Variants in TMEM106B observed in about 807,000 individuals in gnomAD.
TMEM106B encodes the protein transmembrane protein 106B.
In TMEM106B, 15 loss-of-function variants were observed where a neutral mutation model predicts 31.1. That is an observed-to-expected ratio of 0.48 (90% confidence interval 0.32 to 0.74). The LOEUF (loss-of-function observed/expected upper bound fraction) is 0.74. Ranked by LOEUF, TMEM106B falls within the 30% of genes least tolerant of loss-of-function variation. TMEM106B has a pLI of 0.03. For missense variants in TMEM106B, 283 were observed against 327.3 expected (o/e 0.86, Z 1.04); for synonymous variants, 126 against 112.5 (o/e 1.12, Z -0.76).
chr7:12,226,718 T>C (rs918457980), intron 4 of TMEM106B, among the ~76,000 whole-genome samples: 1 of 152,090 alleles, frequency 6.6e-6, no homozygotes, highest in African/African-American at 2.4e-5. Context: ...CGTGGATCCA[T>C]TTATTCTTAT....
chr7:12,224,320 A>G lies in TMEM106B; in HGVS notation c.376A>G (p.Ile126Val), dbSNP rs746849121. The G allele has an allele frequency of 1.2e-6, 2 of 1,614,022 alleles. No individual in the cohort carries two copies. Among genetic ancestry groups the G allele is most frequent in the Non-Finnish European group, 1.7e-6 (2 of 1,179,952 alleles). Residue 126 changes from isoleucine (I) to valine (V), a missense_variant, in exon 4 of 8, where the codon ATT becomes GTT. Coordinates refer to ENST00000396668, the MANE Select transcript of TMEM106B (RefSeq NM_001134232.2). ...CCCTCGCTCTATCGACGTGAAATAC[A>G]TTGGTGTAAAATCAGCCTATGTCAG... ...LFPRSIDVKYIGVKSAYVSYD... is the reference protein window; with the variant it reads ...LFPRSIDVKYVGVKSAYVSYD...
At chr7:12,224,978 A>G (rs983258340) in intron 4 of TMEM106B, among the ~76,000 whole-genome samples, 2 of 151,638 alleles carry the variant, frequency 1.3e-5, no homozygotes, top group African/African-American at 4.9e-5. Context: ...TTAACTCATC[A>G]TTTACTTTAG....
At position 12,231,790 on chromosome 7, in the gene TMEM106B, T is replaced by A. The variant is rs768385779; in HGVS notation, c.687-47T>A. On this transcript the variant is annotated intron_variant, in intron 7 of 7. Coordinates refer to ENST00000396668, the MANE Select transcript of TMEM106B (RefSeq NM_001134232.2). ...TAAAGTAGTCTCACTATGGAAAAACTTCTAATATAACTATTAAATGTCTCT... is the reference window on the plus strand; with the variant it reads ...TAAAGTAGTCTCACTATGGAAAAACATCTAATATAACTATTAAATGTCTCT... 4 of 1,491,736 alleles carry A rather than the reference T, an allele frequency of 2.7e-6. No homozygotes were observed. In the East Asian group the frequency reaches 9.2e-5, roughly 34 times the overall value. The allele number at this position is 1,491,736 out of a possible 1,614,324, so 92.4% of individuals were successfully genotyped here. A position where few individuals can be genotyped will look rare whatever the true frequency, so the allele number is the denominator to read the frequency against.
In TMEM106B at chr7:12,237,816, TACACACACACACACACACACACAC is replaced by T. The variant is rs71027485; in HGVS notation, c.*5858_*5881del. The T allele has an allele frequency of 8.0e-6, 1 of 124,750 alleles. No homozygotes were observed. The highest frequency in any genetic ancestry group is 7.9e-5 in the Admixed American group (1 of 12,626). The allele number at this position is 124,750 out of a possible 1,614,324, so 7.7% of individuals were successfully genotyped here. ...CGAGACCCCATATAAAATATATACA[TACACACACACACACACACACACAC>T]ACACACACACACACACTATTGCTAA... On this transcript the variant is annotated 3_prime_UTR_variant, in exon 8 of 8. Coordinates refer to ENST00000396668, the MANE Select transcript of TMEM106B (RefSeq NM_001134232.2).
At chr7:12,217,861 T>A (rs896461959) in intron 2 of TMEM106B, among the ~76,000 whole-genome samples, 4 of 152,142 alleles carry the variant, frequency 2.6e-5, no homozygotes, top group African/African-American at 9.7e-5. Context: ...CCATTTATCC[T>A]TTAAACTTAT....
intron 1 of TMEM106B, among the ~76,000 whole-genome samples, chr7:12,213,932 A>T (rs1327407603): frequency 6.6e-6 from 1 of 152,110 alleles, no homozygotes; most frequent in Non-Finnish European, 1.5e-5. Flanking sequence ...GGGATTGAAC[A>T]TGCCCCGTTG....
intron 3 of TMEM106B, among the ~76,000 whole-genome samples, chr7:12,223,076 A>G (rs748612338): frequency 3.3e-5 from 5 of 152,200 alleles, no homozygotes; most frequent in Non-Finnish European, 7.4e-5. Flanking sequence ...CTTGTATGTT[A>G]GAGAGAACAG....
In TMEM106B at chr7:12,235,858, T is replaced by C. The variant is rs539338549; in HGVS notation, c.*3883T>C. On this transcript the variant is annotated 3_prime_UTR_variant, in exon 8 of 8. Transcript: ENST00000396668. ...CTAGGGTTATAAGCAAAAGGTTGCTTACCATAATGTCATTAGGTCACGATT... is the reference window on the plus strand; with the variant it reads ...CTAGGGTTATAAGCAAAAGGTTGCTCACCATAATGTCATTAGGTCACGATT... 1.3e-5 allele frequency: 2 copies of C among 151,996 alleles called. No individual in the cohort carries two copies. The highest frequency in any genetic ancestry group is 4.1e-4 in the South Asian group (2 of 4,822). The allele number at this position is 151,996 out of a possible 1,614,324, so 9.4% of individuals were successfully genotyped here.
At chr7:12,231,158 T>C in intron 7 of TMEM106B, 43 bp downstream of exon 7, 1 of 1,463,414 alleles carries the variant, frequency 6.8e-7, no homozygotes, top group Non-Finnish European at 9.5e-7. Flanking sequence ...CTTGTTAACA[T>C]TTTGGATTTA....
At chr7:12,217,429 T>TG (rs1347016601) in intron 2 of TMEM106B, among the ~76,000 whole-genome samples, 6 of 152,202 alleles carry the variant, frequency 3.9e-5, no homozygotes, top group Non-Finnish European at 8.8e-5. Flanking sequence ...CTTGAGAGTA[T>TG]GAACTTGGGA....
rs770007623 is a variant in TMEM106B, at chr7:12,241,178, T to C, written c.*9203T>C. ...ATTCATGAATGGAATATATTGATAA[T>C]AGCATTTTTTAAGTTGCCCCAAAAA... is the stretch of plus-strand genomic sequence containing the variant. On this transcript the variant is annotated 3_prime_UTR_variant, in exon 8 of 8. Transcript: ENST00000396668. 1.3e-5 allele frequency: 2 copies of C among 152,212 alleles called. No individual in the cohort carries two copies. Among genetic ancestry groups the C allele is most frequent in the Non-Finnish European group, 2.9e-5 (2 of 68,032 alleles). The allele number at this position is 152,212 out of a possible 1,614,324, so 9.4% of individuals were successfully genotyped here.
intron 1 of TMEM106B, among the ~76,000 whole-genome samples, chr7:12,213,378 G>A (rs1277779728): frequency 6.6e-6 from 1 of 152,186 alleles, no homozygotes; most frequent in African/African-American, 2.4e-5. Context: ...ATTTAAGGAT[G>A]GAAAAGAGTG....
intron 2 of TMEM106B, among the ~76,000 whole-genome samples, chr7:12,216,689 A>G (rs998038873): frequency 1.3e-5 from 2 of 152,186 alleles, no homozygotes; most frequent in Non-Finnish European, 2.9e-5. Flanking sequence ...GACCCTGAGA[A>G]AGAAAAGTTA....
intron 4 of TMEM106B, among the ~76,000 whole-genome samples, chr7:12,225,697 G>A (rs13246340): frequency 0.056 from 8,588 of 152,068 alleles, 333 homozygotes; most frequent in Middle Eastern, 0.11. Flanking sequence ...CATATCCTTC[G>A]CCCACTTTTT....
intron 2 of TMEM106B, chr7:12,215,744 AAAG>A: frequency 4.8e-6 from 1 of 208,706 alleles, no homozygotes; most frequent in Non-Finnish European, 1.1e-5. Context: ...TTCATTATCT[AAAG>A]AAGAAGAATA....
rs1782096689 is a variant in TMEM106B, at chr7:12,234,784, G to T, written c.*2809G>T. 1 of 108,210 alleles carries T rather than the reference G, an allele frequency of 9.2e-6. No individual in the cohort carries two copies. Among genetic ancestry groups the T allele is most frequent in the Non-Finnish European group, 1.8e-5 (1 of 55,402 alleles). The allele number at this position is 108,210 out of a possible 1,614,324, so 6.7% of individuals were successfully genotyped here. Reference sequence around the variant, plus strand: ...ACCTCTGTATGTTGATAGCACATTGGCCCTTTTTAGAGTTCTTTCCTATGT... The same window carrying T: ...ACCTCTGTATGTTGATAGCACATTGTCCCTTTTTAGAGTTCTTTCCTATGT... On this transcript the variant is annotated 3_prime_UTR_variant, in exon 8 of 8. Transcript: ENST00000396668.
chr7:12,242,379 C>CAAAAAAAAAAAAA lies in TMEM106B; in HGVS notation c.*10420_*10432dup, dbSNP rs1169765784. 2.2e-3 allele frequency: 26 copies of CAAAAAAAAAAAAA among 11,658 alleles called. 2 individuals are homozygous for CAAAAAAAAAAAAA. The highest frequency in any genetic ancestry group is 2.5e-3 in the Non-Finnish European group (21 of 8,340). The allele number at this position is 11,658 out of a possible 1,614,324, so 0.7% of individuals were successfully genotyped here. A position where few individuals can be genotyped will look rare whatever the true frequency, so the allele number is the denominator to read the frequency against. ...TGGGCGACAGAGCGAGACTCCGTCT[C>CAAAAAAAAAAAAA]AAAAAAAAAAAAAAAAAAAAAAAAA... On this transcript the variant is annotated 3_prime_UTR_variant, in exon 8 of 8. Transcript: ENST00000396668.
At chr7:12,224,641 A>G (rs1781863023) in intron 4 of TMEM106B, among the ~76,000 whole-genome samples, 1 of 152,072 alleles carries the variant, frequency 6.6e-6, no homozygotes, top group Non-Finnish European at 1.5e-5. Context: ...AAACTAAAAA[A>G]AGAAAAAAGG....
intron 3 of TMEM106B, 30 bp downstream of exon 3, chr7:12,218,551 TTA>T: frequency 1.3e-6 from 2 of 1,565,822 alleles, no homozygotes; most frequent in Non-Finnish European, 8.7e-7. Flanking sequence ...TGGCAGTGTT[TTA>T]TGTTTTATTT....
Sources: allele counts gnomAD v4.1 joint callset (sites outside exome capture counted in the v4.1 genomes callset), GRCh38; gene constraint gnomAD v4.1.1; transcripts MANE v1.5; gene names NCBI Gene and HGNC (gene_info 2026-07-23, HGNC 2026-07-21).